The following RAPGEF1 variants were observed in gnomAD, a reference collection of about 807,000 sequenced individuals.
RAPGEF1 encodes the protein Rap guanine nucleotide exchange factor 1, also known as CRK SH3-binding GNRP.
RAPGEF1 carries 33 observed loss-of-function variants against 143.3 expected under a neutral mutation model. The ratio of observed to expected loss-of-function variants is 0.23; its 90% CI spans 0.17 to 0.31. The LOEUF is 0.31. Ranked by LOEUF, RAPGEF1 falls within the 10% of genes least tolerant of loss-of-function variation. The pLI, the probability that RAPGEF1 is intolerant of heterozygous loss-of-function variation, is 1.00. For synonymous variants in RAPGEF1, 629 were observed against 676.5 expected (o/e 0.93, Z 1.09); for missense variants, 1,199 against 1,645.4 (o/e 0.73, Z 4.69).
At chr9:131,630,137 C>T (rs933590887) in intron 6 of RAPGEF1, 99 bp downstream of exon 6, 32 of 1,078,060 alleles carry the variant, frequency 3.0e-5, no homozygotes, top group African/African-American at 6.2e-5. Context: ...TCCAGCAGCC[C>T]ACCCTCATGC....
chr9:131,726,933 G>A (rs1394118989), intron 1 of RAPGEF1, among the ~76,000 whole-genome samples: 1 of 152,160 alleles, frequency 6.6e-6, no homozygotes, highest in Non-Finnish European at 1.5e-5. Flanking sequence ...GAGCTCAGGA[G>A]GTCGAGGCTG....
chr9:131,625,255 C>T (rs1962602045), intron 10 of RAPGEF1, among the ~76,000 whole-genome samples: 1 of 152,180 alleles, frequency 6.6e-6, no homozygotes, highest in Non-Finnish European at 1.5e-5. Context: ...AGGCAAGTCC[C>T]AGAAGTGTGG....
At position 131,619,041 on chromosome 9, in the gene RAPGEF1, A is replaced by G. The variant is rs1362830996; in HGVS notation, c.2061+10T>C. The G allele has an allele frequency of 1.9e-5, 26 of 1,355,000 alleles. No homozygotes were observed. Among genetic ancestry groups the G allele is most frequent in the Admixed American group, 5.9e-5 (3 of 51,004 alleles). 83.9% of individuals were successfully genotyped at this position (1,355,000 alleles called of 1,614,324 possible). A position where few individuals can be genotyped will look rare whatever the true frequency, so the allele number is the denominator to read the frequency against. On this transcript the variant is annotated intron_variant, in intron 12 of 26. Transcript: ENST00000683357. The stretch of plus-strand genomic sequence containing the variant: ...CGTTTCCAAGTAAAGAACAGCAGGG[A>G]GCAACTCACCGAGGGCACGGGCAAG...
intron 1 of RAPGEF1, among the ~76,000 whole-genome samples, chr9:131,703,404 A>G (rs1017079010): frequency 3.3e-5 from 5 of 152,192 alleles, no homozygotes; most frequent in Non-Finnish European, 7.3e-5. Context: ...TTTCAACCAA[A>G]ATTAAATGTA....
intron 17 of RAPGEF1, among the ~76,000 whole-genome samples, chr9:131,593,331 T>C (rs979918174): frequency 6.6e-6 from 1 of 152,238 alleles, no homozygotes; most frequent in Non-Finnish European, 1.5e-5. Context: ...GTCTCTGATA[T>C]TACAGAATGA....
At chr9:131,733,019 G>A (rs1327652715) in intron 1 of RAPGEF1, among the ~76,000 whole-genome samples, 2 of 152,200 alleles carry the variant, frequency 1.3e-5, no homozygotes, top group Non-Finnish European at 2.9e-5. Flanking sequence ...GTTAGAGGAA[G>A]AGAAGGCACA....
In RAPGEF1 at chr9:131,621,696, G is replaced by A; in HGVS notation, c.1905+100C>T. The A allele has an allele frequency of 8.0e-7, 1 of 1,250,580 alleles. No homozygotes were observed. Among genetic ancestry groups the A allele is most frequent in the Non-Finnish European group, 1.1e-6 (1 of 897,930 alleles). 77.5% of individuals were successfully genotyped at this position (1,250,580 alleles called of 1,614,324 possible). On this transcript the variant is annotated intron_variant, in intron 11 of 26. Coordinates refer to ENST00000683357, the MANE Select transcript of RAPGEF1 (RefSeq NM_001377935.1). This position sits in a 1 kb window ranked among gnomAD's most constrained non-coding sequence, Gnocchi z 4.5. ...CGCCCAAAACCAGGGCCCTGCCACAGCAGGGAGGAGGGTTAACCCTGCCCC... is the reference window on the plus strand; with the variant it reads ...CGCCCAAAACCAGGGCCCTGCCACAACAGGGAGGAGGGTTAACCCTGCCCC...
intron 12 of RAPGEF1, among the ~76,000 whole-genome samples, chr9:131,610,850 TTTGA>T (rs1160180975): frequency 1.3e-5 from 2 of 152,314 alleles, no homozygotes; most frequent in East Asian, 1.9e-4. Flanking sequence ...GCTTATCTGA[TTTGA>T]TTCTTATAGA....
Position 131,597,577 on chromosome 9 carries a change from A to C in RAPGEF1, c.2613+622T>G, listed in dbSNP as rs150496039. Among the ~76,000 whole-genome samples, 9 of 152,300 alleles carry C rather than the reference A, an allele frequency of 5.9e-5. No individual in the cohort carries two copies. In the East Asian group the frequency reaches 1.7e-3, roughly 29 times the overall value. ...TATGAAGCCGCTCCTTTGTACTTCT[A>C]GCACTGCACGGCAGGAGGGAGAGGC... is the stretch of plus-strand genomic sequence containing the variant. On this transcript the variant is annotated intron_variant, in intron 16 of 26. Transcript: ENST00000683357.
intron 1 of RAPGEF1, among the ~76,000 whole-genome samples, chr9:131,701,766 T>C (rs1477506470): frequency 6.6e-6 from 1 of 152,240 alleles, no homozygotes; most frequent in Non-Finnish European, 1.5e-5. Flanking sequence ...AAAGCCACAC[T>C]CTAGCTGCAG....
chr9:131,695,675 C>T (rs1834116252), intron 1 of RAPGEF1, among the ~76,000 whole-genome samples: 2 of 152,168 alleles, frequency 1.3e-5, no homozygotes, highest in Admixed American at 1.3e-4. Context: ...ATCACTCCCT[C>T]AGGAAACTTA....
At position 131,638,608 on chromosome 9, in the gene RAPGEF1, G is replaced by C. The variant is rs1409033607; in HGVS notation, c.651+27C>G. 4.3e-6 allele frequency: 7 copies of C among 1,612,082 alleles called. No individual in the cohort carries two copies. The Admixed American group carries it at 1.2e-4, about 27-fold the overall frequency. The stretch of plus-strand genomic sequence containing the variant: ...GGCAGGCTGCTCTAAGTCCCTGACT[G>C]GGACTGTCTGGAACCTGCACCGGTA... On this transcript the variant is annotated intron_variant, in intron 5 of 26. Coordinates refer to ENST00000683357, the MANE Select transcript of RAPGEF1 (RefSeq NM_001377935.1).
Position 131,624,651 on chromosome 9 carries a change from C to T in RAPGEF1, c.1702+1271G>A, listed in dbSNP as rs117217149. ...GGGGGTGAACCTGAATGGCACGCAG[C>T]CCAAGATAACAGGGGTGGAGGGGGA... is the stretch of plus-strand genomic sequence containing the variant. On this transcript the variant is annotated intron_variant, in intron 10 of 26. Transcript: ENST00000683357. 1.6e-3 allele frequency among the ~76,000 whole-genome samples: 250 copies of T among 152,296 alleles called. 5 individuals are homozygous for T. In the East Asian group the frequency reaches 0.03, roughly 18 times the overall value.
At chr9:131,602,675 C>T (rs1302498368) in intron 14 of RAPGEF1, among the ~76,000 whole-genome samples, 2 of 152,226 alleles carry the variant, frequency 1.3e-5, no homozygotes, top group Non-Finnish European at 2.9e-5. Context: ...GTGAACCAAA[C>T]TCTGCTGATT....
intron 11 of RAPGEF1, among the ~76,000 whole-genome samples, chr9:131,619,659 A>G (rs922929580): frequency 1.3e-5 from 2 of 152,204 alleles, no homozygotes; most frequent in African/African-American, 4.8e-5. Flanking sequence ...TCCGTGCCTC[A>G]GGTTTTCCAT....
intron 1 of RAPGEF1, among the ~76,000 whole-genome samples, chr9:131,693,077 T>A (rs987585559): frequency 6.6e-6 from 1 of 152,210 alleles, no homozygotes; most frequent in African/African-American, 2.4e-5. Context: ...GTGCACTGTA[T>A]CCTCTCAAAA....
At chr9:131,693,793 G>C (rs1436173592) in intron 1 of RAPGEF1, among the ~76,000 whole-genome samples, 1 of 144,270 alleles carries the variant, frequency 6.9e-6, no homozygotes, top group Admixed American at 7.1e-5. Context: ...ATTATATCCA[G>C]GGAATCTGTC....
chr9:131,699,521 G>A (rs1834470837), intron 1 of RAPGEF1, among the ~76,000 whole-genome samples: 1 of 152,180 alleles, frequency 6.6e-6, no homozygotes, highest in Admixed American at 6.5e-5. Context: ...TGGGATTACA[G>A]GCATGAGGCA....
intron 1 of RAPGEF1, among the ~76,000 whole-genome samples, chr9:131,722,607 TGG>T (rs1836347711): frequency 6.6e-6 from 1 of 152,162 alleles, no homozygotes; most frequent in Admixed American, 6.5e-5. Flanking sequence ...CTGATGGGAA[TGG>T]GAGCTTGCCA....
Sources: allele counts gnomAD v4.1 joint callset (sites outside exome capture counted in the v4.1 genomes callset), GRCh38; gene constraint gnomAD v4.1.1; non-coding constraint Gnocchi (gnomAD v3.1); transcripts MANE v1.5; gene names NCBI Gene and HGNC (gene_info 2026-07-23, HGNC 2026-07-21).